The following RFX3 variants were observed in gnomAD, a reference collection of about 807,000 sequenced individuals.
RFX3 encodes regulatory factor X3, also known as transcription factor RFX3.
In RFX3, 14 loss-of-function variants were observed where a neutral mutation model predicts 98.6. That is an observed-to-expected ratio of 0.14 (90% CI 0.09 to 0.22). The LOEUF is 0.22. Ranked by LOEUF, RFX3 falls within the 10% of genes least tolerant of loss-of-function variation. The pLI, the probability that RFX3 is intolerant of heterozygous loss-of-function variation, is 1.00. For missense variants in RFX3, 639 were observed against 926.9 expected (o/e 0.69, Z 4.03); for synonymous variants, 383 against 328.4 (o/e 1.17, Z -1.80).
intron 2 of RFX3, among the ~76,000 whole-genome samples, chr9:3,368,253 A>G (rs939736441): frequency 3.3e-5 from 5 of 152,218 alleles, no homozygotes; most frequent in Non-Finnish European, 5.9e-5. Context: ...AAAAAGATAT[A>G]TTGAAAGAAA....
chr9:3,234,180 G>T lies in RFX3; in HGVS notation c.1969-5291C>A, dbSNP rs116299795. 5.1e-3 allele frequency among the ~76,000 whole-genome samples: 774 copies of T among 152,312 alleles called. 4 individuals carry two copies. The highest frequency in any genetic ancestry group is 0.018 in the African/African-American group (739 of 41,568). The stretch of plus-strand genomic sequence containing the variant: ...GCAAAATATGAAAGTGTATGGTCTA[G>T]AAGAGGGGCTGGCACACTTTTTCAG... On this transcript the variant is annotated intron_variant, in intron 15 of 16. Transcript: ENST00000617270.
At chr9:3,271,231 G>A in intron 9 of RFX3, 113 bp from the exon 10 acceptor site, 1 of 739,060 alleles carries the variant, frequency 1.4e-6, no homozygotes, top group Non-Finnish European at 2.2e-6. Context: ...GGGGTCATAA[G>A]TTAACATGGT....
intron 4 of RFX3, among the ~76,000 whole-genome samples, chr9:3,310,595 G>C (rs760595491): frequency 6.6e-6 from 1 of 152,094 alleles, no homozygotes; most frequent in Non-Finnish European, 1.5e-5. Context: ...ATTATAAAGG[G>C]TTTCTATATT....
chr9:3,426,581 C>A (rs752953050), intron 1 of RFX3, among the ~76,000 whole-genome samples: 4 of 152,100 alleles, frequency 2.6e-5, no homozygotes, highest in Non-Finnish European at 5.9e-5. Context: ...TACAGCCACT[C>A]CCCATTGCCC....
rs1457489012 is a variant in RFX3 at position 3,222,773 on chromosome 9, T to C, written c.*2269A>G. ...TTGTGTGTGTTTTGGTACAAATCCATTGTCTTTTTGGGAGGAAAAAGGGGG... is the reference window on the plus strand; with the variant it reads ...TTGTGTGTGTTTTGGTACAAATCCACTGTCTTTTTGGGAGGAAAAAGGGGG... On this transcript the variant is annotated 3_prime_UTR_variant, in exon 17 of 17. Transcript: ENST00000617270. The C allele has an allele frequency of 6.6e-6, 1 of 152,206 alleles. No homozygotes were observed. Among genetic ancestry groups the C allele is most frequent in the Non-Finnish European group, 1.5e-5 (1 of 68,026 alleles). 9.4% of individuals were successfully genotyped at this position (152,206 alleles called of 1,614,324 possible). A position where few individuals can be genotyped will look rare whatever the true frequency, so the allele number is the denominator to read the frequency against.
At chr9:3,367,634 G>C (rs559739676) in intron 2 of RFX3, among the ~76,000 whole-genome samples, 1 of 152,244 alleles carries the variant, frequency 6.6e-6, no homozygotes, top group South Asian at 2.1e-4. Context: ...ACCTCCATGG[G>C]TTTTCAGAAT....
At chr9:3,328,930 C>A (rs889467727) in intron 4 of RFX3, among the ~76,000 whole-genome samples, 1 of 152,126 alleles carries the variant, frequency 6.6e-6, no homozygotes, top group Non-Finnish European at 1.5e-5. Flanking sequence ...CCCCAGCACC[C>A]TTTTATATGT....
chr9:3,491,077 T>C (rs1053460302), intron 1 of RFX3, among the ~76,000 whole-genome samples: 25 of 152,116 alleles, frequency 1.6e-4, no homozygotes, highest in Non-Finnish European at 4.4e-5. Flanking sequence ...CTTTTTTCTT[T>C]AAAGGTAAAG....
chr9:3,314,581 T>G (rs1563911811), intron 4 of RFX3, among the ~76,000 whole-genome samples: 1 of 151,908 alleles, frequency 6.6e-6, no homozygotes, highest in Non-Finnish European at 1.5e-5. Flanking sequence ...GACTGGCAAA[T>G]TGGATAAAGA....
intron 4 of RFX3, among the ~76,000 whole-genome samples, chr9:3,308,709 A>G (rs2986699): frequency 0.3 from 46,057 of 152,018 alleles, 11,217 homozygotes; most frequent in African/African-American, 0.68. Flanking sequence ...TTACAATGAA[A>G]CCTATTCAGA....
intron 1 of RFX3, among the ~76,000 whole-genome samples, chr9:3,415,548 G>C (rs1019359449): frequency 6.6e-6 from 1 of 152,108 alleles, no homozygotes; most frequent in Non-Finnish European, 1.5e-5. Flanking sequence ...TGCTGGGAAA[G>C]ATCCCAAGAA....
chr9:3,222,593 G>A lies in RFX3; in HGVS notation c.*2449C>T, dbSNP rs887498859. 3.3e-5 allele frequency: 5 copies of A among 152,150 alleles called. No homozygotes were observed. Among genetic ancestry groups the A allele is most frequent in the African/African-American group, 4.8e-5 (2 of 41,434 alleles). 9.4% of individuals were successfully genotyped at this position (152,150 alleles called of 1,614,324 possible). On this transcript the variant is annotated 3_prime_UTR_variant, in exon 17 of 17. Transcript: ENST00000617270. ...GATATAGTATCACTCAAAGGATGGC[G>A]GGTAGAGACAGGAAACTGAAAAAAT...
chr9:3,362,063 C>T (rs942401787), intron 2 of RFX3, among the ~76,000 whole-genome samples: 4 of 152,198 alleles, frequency 2.6e-5, no homozygotes, highest in African/African-American at 4.8e-5. Flanking sequence ...GATGTTTATA[C>T]TTCATGAGCA....
At chr9:3,313,577 G>C (rs1830218006) in intron 4 of RFX3, among the ~76,000 whole-genome samples, 1 of 152,182 alleles carries the variant, frequency 6.6e-6, no homozygotes, top group Admixed American at 6.5e-5. Flanking sequence ...ACTTCTCTGA[G>C]CTAAAGGAGG....
At chr9:3,297,529 C>T (rs1411303383) in intron 5 of RFX3, among the ~76,000 whole-genome samples, 3 of 151,934 alleles carry the variant, frequency 2.0e-5, no homozygotes, top group Non-Finnish European at 4.4e-5. Flanking sequence ...TATTGCATTG[C>T]CCAATTAACA....
intron 1 of RFX3, among the ~76,000 whole-genome samples, chr9:3,445,707 TG>T (rs1264330625): frequency 6.6e-6 from 1 of 152,176 alleles, no homozygotes; most frequent in Non-Finnish European, 1.5e-5. Flanking sequence ...AGAGGCAAAG[TG>T]TAAACTTGTC....
intron 7 of RFX3, among the ~76,000 whole-genome samples, chr9:3,283,062 T>C (rs1826119557): frequency 6.6e-6 from 1 of 151,770 alleles, no homozygotes; most frequent in Admixed American, 6.6e-5. Context: ...ATTATTTATG[T>C]TTCTCCTCTC....
intron 2 of RFX3, among the ~76,000 whole-genome samples, chr9:3,391,952 A>C: frequency 6.6e-6 from 1 of 152,120 alleles, no homozygotes; most frequent in Admixed American, 6.6e-5. Flanking sequence ...AGATTAATTA[A>C]ATTCGTGCAA....
chr9:3,322,738 A>AC (rs1831457549), intron 4 of RFX3, among the ~76,000 whole-genome samples: 2 of 151,692 alleles, frequency 1.3e-5, no homozygotes, highest in Admixed American at 1.3e-4. Context: ...ATCTCGAAAG[A>AC]AAAAAAAATT....
Sources: allele counts gnomAD v4.1 joint callset (sites outside exome capture counted in the v4.1 genomes callset), GRCh38; gene constraint gnomAD v4.1.1; transcripts MANE v1.5; gene names NCBI Gene and HGNC (gene_info 2026-07-23, HGNC 2026-07-21).